DLC1: variants seen among roughly 807,000 people sequenced by gnomAD.
DLC1 encodes the protein DLC1 Rho GTPase activating protein.
DLC1 carries 54 observed loss-of-function variants against 140.3 expected under a neutral mutation model. The observed-to-expected ratio is 0.38, with a 90% CI of 0.31 to 0.48. The LOEUF is 0.48. Among genes scored for constraint, DLC1 ranks in the 20% least tolerant of loss-of-function variants. The probability of loss-of-function intolerance (pLI) is 0.96; values close to 1 mark genes in which losing one functional copy is unlikely to be tolerated. For missense variants in DLC1, 2,536 were observed against 1,907.0 expected (o/e 1.33, Z -6.14); for synonymous variants, 986 against 728.1 (o/e 1.35, Z -5.70).
chr8:13,483,833 G>A (rs1251806026), intron 2 of DLC1, among the ~76,000 whole-genome samples: 1 of 152,154 alleles, frequency 6.6e-6, no homozygotes, highest in African/African-American at 2.4e-5. Flanking sequence ...TGTAATCCCA[G>A]CATTTTGGGA....
intron 5 of DLC1, among the ~76,000 whole-genome samples, chr8:13,264,225 T>C (rs1467517157): frequency 6.6e-6 from 1 of 151,854 alleles, no homozygotes; most frequent in Non-Finnish European, 1.5e-5. Context: ...GCAGTCACCA[T>C]ACCTGGCTAA....
chr8:13,578,381 C>T (rs1804922519), intron 1 of DLC1, among the ~76,000 whole-genome samples: 1 of 152,058 alleles, frequency 6.6e-6, no homozygotes, highest in Non-Finnish European at 1.5e-5. Context: ...TTTATGACAC[C>T]ATATGTGTGG....
intron 4 of DLC1, among the ~76,000 whole-genome samples, chr8:13,330,787 AC>A (rs1275573322): frequency 1.3e-5 from 2 of 152,120 alleles, no homozygotes; most frequent in Non-Finnish European, 2.9e-5. Context: ...TACTTGTTAA[AC>A]TTTTCTTCAG....
intron 1 of DLC1, among the ~76,000 whole-genome samples, chr8:13,560,126 T>G (rs886797506): frequency 6.6e-6 from 1 of 152,208 alleles, no homozygotes; most frequent in Admixed American, 6.5e-5. Context: ...TACTCTTAAA[T>G]ATACTGGGCA....
intron 5 of DLC1, among the ~76,000 whole-genome samples, chr8:13,243,706 T>G (rs548600268): frequency 4.3e-4 from 66 of 152,332 alleles, no homozygotes; most frequent in African/African-American, 1.6e-3. Flanking sequence ...AAGAGATAAC[T>G]TTGTCTTCCT....
chr8:13,102,904 G>A (rs769659483), intron 7 of DLC1, 51 bp from the exon 8 acceptor site: 1 of 1,499,330 alleles, frequency 6.7e-7, no homozygotes, highest in Non-Finnish European at 9.2e-7. Flanking sequence ...ACTCTCTAAT[G>A]AGTGGATAAA....
At chr8:13,258,875 C>T (rs942713028) in intron 5 of DLC1, among the ~76,000 whole-genome samples, 3 of 152,058 alleles carry the variant, frequency 2.0e-5, no homozygotes, top group Non-Finnish European at 2.9e-5. Flanking sequence ...CGGTGGCTCA[C>T]GCCTGTAATC....
chr8:13,335,410 C>T (rs1029353857), intron 4 of DLC1, among the ~76,000 whole-genome samples: 3 of 152,162 alleles, frequency 2.0e-5, no homozygotes, highest in Non-Finnish European at 4.4e-5. Context: ...ACACTTTTCT[C>T]TACGGAATAC....
intron 5 of DLC1, among the ~76,000 whole-genome samples, chr8:13,174,313 C>G (rs576507055): frequency 6.6e-6 from 1 of 152,282 alleles, no homozygotes; most frequent in South Asian, 2.1e-4. Flanking sequence ...GTGAGCAGTG[C>G]TGTTATGAAC....
chr8:13,500,194 C>T lies in DLC1; in HGVS notation c.-123G>A. The T allele has an allele frequency of 1.1e-6, 1 of 878,802 alleles. No homozygotes were observed. Among genetic ancestry groups the T allele is most frequent in the Admixed American group, 2.7e-5 (1 of 36,510 alleles). 54.4% of individuals were successfully genotyped at this position (878,802 alleles called of 1,614,324 possible). A position where few individuals can be genotyped will look rare whatever the true frequency, so the allele number is the denominator to read the frequency against. On this transcript the variant is annotated splice_region_variant and 5_prime_UTR_variant, in exon 2 of 18. It introduces an in-frame stop codon into an upstream open reading frame of the 5' UTR. Coordinates refer to ENST00000276297, the MANE Select transcript of DLC1 (RefSeq NM_182643.3). ...AAGCGAATGAGTTCTGTCATTTCAC[C>T]ACCTATTAAAAAATTCAAAAAAATA...
intron 2 of DLC1, among the ~76,000 whole-genome samples, chr8:13,459,939 A>G (rs1322719184): frequency 6.6e-6 from 1 of 152,052 alleles, no homozygotes; most frequent in Admixed American, 6.6e-5. Flanking sequence ...CTTTGTGTGT[A>G]TTGTGCCGGG....
At chr8:13,139,598 C>G (rs1035871922) in intron 5 of DLC1, among the ~76,000 whole-genome samples, 2 of 152,196 alleles carry the variant, frequency 1.3e-5, no homozygotes, top group Admixed American at 1.3e-4. Context: ...TTTGATAAAT[C>G]AACCAGCATG....
At chr8:13,376,547 A>G (rs1835997661) in intron 4 of DLC1, among the ~76,000 whole-genome samples, 1 of 152,202 alleles carries the variant, frequency 6.6e-6, no homozygotes, top group East Asian at 1.9e-4. Context: ...GTTAGAGTAG[A>G]ACGTGTGATT....
At chr8:13,231,890 A>T (rs1563184138) in intron 5 of DLC1, among the ~76,000 whole-genome samples, 1 of 152,180 alleles carries the variant, frequency 6.6e-6, no homozygotes, top group African/African-American at 2.4e-5. Flanking sequence ...AATCTCAGTG[A>T]GTATTTTTAT....
intron 5 of DLC1, among the ~76,000 whole-genome samples, chr8:13,175,616 A>G (rs946687303): frequency 2.0e-5 from 3 of 152,070 alleles, no homozygotes; most frequent in African/African-American, 7.2e-5. Context: ...TACACCAATC[A>G]CTCAACTTCT....
intron 2 of DLC1, among the ~76,000 whole-genome samples, chr8:13,450,650 A>C (rs925813389): frequency 5.3e-5 from 8 of 152,058 alleles, no homozygotes; most frequent in African/African-American, 1.9e-4. Context: ...TATTTTGATG[A>C]CTTCATATTT....
intron 5 of DLC1, among the ~76,000 whole-genome samples, chr8:13,295,307 C>A (rs978503935): frequency 6.6e-6 from 1 of 152,102 alleles, no homozygotes; most frequent in South Asian, 2.1e-4. Flanking sequence ...AATATAATAC[C>A]CTACTATGTG....
intron 1 of DLC1, among the ~76,000 whole-genome samples, chr8:13,550,596 A>G (rs1803813252): frequency 6.6e-6 from 1 of 152,188 alleles, no homozygotes; most frequent in Non-Finnish European, 1.5e-5. Flanking sequence ...ATTTTGTATA[A>G]GTAGAAAAGA....
chr8:13,533,144 AAAAC>A (rs758703493), intron 1 of DLC1, among the ~76,000 whole-genome samples: 3 of 150,860 alleles, frequency 2.0e-5, no homozygotes, highest in Non-Finnish European at 4.4e-5. Context: ...ACCATGAAGT[AAAAC>A]AAACAGTCAA....
Sources: gnomAD v4.1 joint callset for allele counts (sites outside exome capture counted in the v4.1 genomes callset) on GRCh38, gnomAD v4.1.1 for gene constraint, MANE v1.5 for transcripts, NCBI Gene and HGNC (gene_info 2026-07-23, HGNC 2026-07-21) for gene names.